The following GALNT13 variants were observed in gnomAD, a reference collection of about 807,000 sequenced individuals.
GALNT13 encodes the protein polypeptide N-acetylgalactosaminyltransferase 13, also known as UDP-GalNAc:polypeptide N-acetylgalactosaminyltransferase 13.
Under a neutral mutation model 64.2 loss-of-function variants are expected in GALNT13, and 28 were observed. That is an observed-to-expected ratio of 0.44 (90% CI 0.32 to 0.60). The LOEUF (loss-of-function observed/expected upper bound fraction) is 0.60, where lower values mean the gene tolerates loss of function less well. Among genes scored for constraint, GALNT13 ranks in the 20% least tolerant of loss-of-function variants. GALNT13 has a pLI of 0.05. For missense variants in GALNT13, 577 were observed against 669.8 expected (o/e 0.86, Z 1.53); for synonymous variants, 214 against 224.6 (o/e 0.95, Z 0.42).
At chr2:153,215,919 C>A in the GALNT13 span, among the ~76,000 whole-genome samples, 1 of 151,982 alleles carries the variant, frequency 6.6e-6, no homozygotes. Flanking sequence ...TGTATTTACA[C>A]AACAGTCATA....
At chr2:153,688,263 A>G in the GALNT13 span, among the ~76,000 whole-genome samples, 1 of 151,938 alleles carries the variant, frequency 6.6e-6, no homozygotes, top group African/African-American at 2.4e-5. Flanking sequence ...AATATTTACT[A>G]CTTGGTCTTT....
chr2:153,190,396 A>G, the GALNT13 span, among the ~76,000 whole-genome samples: 1 of 152,178 alleles, frequency 6.6e-6, no homozygotes, highest in Admixed American at 6.5e-5. Context: ...GGCTTTCAAT[A>G]CAGGAGTTTA....
chr2:153,884,238 C>CT (rs1321603522), intron 1 of GALNT13, among the ~76,000 whole-genome samples: 1 of 151,734 alleles, frequency 6.6e-6, no homozygotes, highest in African/African-American at 2.4e-5. Context: ...GGCTAAACTA[C>CT]TTTGAGTTTG....
At chr2:153,464,576 C>G in the GALNT13 span, among the ~76,000 whole-genome samples, 2 of 152,066 alleles carry the variant, frequency 1.3e-5, no homozygotes, top group Non-Finnish European at 2.9e-5. Flanking sequence ...AAAGGCCACT[C>G]TGAGGACAGG....
chr2:153,811,741 G>A, the GALNT13 span, among the ~76,000 whole-genome samples: 1 of 152,054 alleles, frequency 6.6e-6, no homozygotes, highest in Non-Finnish European at 1.5e-5. Flanking sequence ...TTTTTTCTGT[G>A]ATGTCTTAAT....
the GALNT13 span, among the ~76,000 whole-genome samples, chr2:153,825,157 C>T: frequency 6.6e-6 from 1 of 152,100 alleles, no homozygotes; most frequent in Non-Finnish European, 1.5e-5. Flanking sequence ...TTTTGGTGAT[C>T]AGAGCTTGAT....
chr2:153,145,043 A>C, the GALNT13 span, among the ~76,000 whole-genome samples: 1 of 151,978 alleles, frequency 6.6e-6, no homozygotes, highest in Non-Finnish European at 1.5e-5. Context: ...TACTTTATAA[A>C]TTACTCAATA....
intron 4 of GALNT13, among the ~76,000 whole-genome samples, chr2:154,158,625 C>G (rs1684560969): frequency 6.6e-6 from 1 of 152,170 alleles, no homozygotes; most frequent in African/African-American, 2.4e-5. Context: ...TCTCTCACTG[C>G]AAGGTACAGG....
chr2:154,295,615 G>A (rs1692879313), intron 8 of GALNT13, among the ~76,000 whole-genome samples: 1 of 151,884 alleles, frequency 6.6e-6, no homozygotes, highest in South Asian at 2.1e-4. Context: ...TGAGATGATT[G>A]GCCCACCTGG....
In GALNT13 at chr2:154,245,918, C is replaced by T. The variant is rs1405422205; in HGVS notation, c.793C>T (p.Arg265Cys). 18 of 1,613,076 alleles carry T rather than the reference C, an allele frequency of 1.1e-5. No individual in the cohort carries two copies. The highest frequency in any genetic ancestry group is 1.4e-5 in the Non-Finnish European group (17 of 1,179,424). ...GGGTTTTAACTGGAAACTGAATTTC[C>T]GCTGGTATCCTGTTCCCCAAAGAGA... ...YGGFNWKLNF[R>C]WYPVPQREMD... Residue 265 changes from arginine (R) to cysteine (C), a missense_variant, in exon 7 of 13, where the codon CGC becomes TGC. Physicochemically the swap from Arg to Cys is radical, Grantham distance 180. Around this residue, in one of 3 missense-constraint regions of GALNT13, gnomAD observed 341 missense variants for 379.3 expected, o/e 0.90. Coordinates refer to ENST00000392825, the MANE Select transcript of GALNT13 (RefSeq NM_052917.4).
At chr2:154,045,378 A>G (rs6709870) in intron 3 of GALNT13, among the ~76,000 whole-genome samples, 41,929 of 152,110 alleles carry the variant, frequency 0.28, 7,009 homozygotes, top group Middle Eastern at 0.46. Context: ...ATGGAAATGT[A>G]TGCTCAAATG....
chr2:153,232,329 C>G, the GALNT13 span, among the ~76,000 whole-genome samples: 1 of 152,166 alleles, frequency 6.6e-6, no homozygotes, highest in African/African-American at 2.4e-5. Context: ...TTTATAAATT[C>G]TTGGAGCCTG....
the GALNT13 span, among the ~76,000 whole-genome samples, chr2:153,824,187 G>T: frequency 6.6e-6 from 1 of 152,010 alleles, no homozygotes; most frequent in African/African-American, 2.4e-5. Flanking sequence ...TATATACACT[G>T]TATACAGCTG....
chr2:154,007,851 A>G (rs1276705752), intron 3 of GALNT13, among the ~76,000 whole-genome samples: 1 of 151,898 alleles, frequency 6.6e-6, no homozygotes, highest in Admixed American at 6.6e-5. Context: ...TTCCATATAT[A>G]GTCTTAGGTT....
the GALNT13 span, among the ~76,000 whole-genome samples, chr2:153,646,621 C>T: frequency 6.6e-5 from 10 of 152,158 alleles, no homozygotes; most frequent in African/African-American, 2.4e-4. Context: ...CCTCCCCCTA[C>T]TCCACAACAG....
chr2:154,369,570 GC>G (rs1470708200), intron 9 of GALNT13, among the ~76,000 whole-genome samples: 1 of 151,916 alleles, frequency 6.6e-6, no homozygotes, highest in African/African-American at 2.4e-5. Context: ...TGAATATTTG[GC>G]CCCTCCAAAG....
chr2:153,113,788 A>T, the GALNT13 span, among the ~76,000 whole-genome samples: 1 of 152,090 alleles, frequency 6.6e-6, no homozygotes, highest in African/African-American at 2.4e-5. Flanking sequence ...ATTGAGTTAG[A>T]CACCTCATTT....
At chr2:154,021,812 C>A (rs1697522649) in intron 3 of GALNT13, among the ~76,000 whole-genome samples, 1 of 149,828 alleles carries the variant, frequency 6.7e-6, no homozygotes, top group Non-Finnish European at 1.5e-5. Flanking sequence ...AGTTTTTGCC[C>A]ATTCAGTATG....
the GALNT13 span, among the ~76,000 whole-genome samples, chr2:153,256,904 T>G: frequency 6.6e-6 from 1 of 152,220 alleles, no homozygotes; most frequent in Non-Finnish European, 1.5e-5. Flanking sequence ...GTTGTCTTTT[T>G]GTTTGTCTGT....
Sources: gnomAD v4.1 joint callset for allele counts (sites outside exome capture counted in the v4.1 genomes callset) on GRCh38, gnomAD v4.1.1 for gene constraint, gnomAD v4.1.1 regional missense constraint, MANE v1.5 for transcripts, NCBI Gene and HGNC (gene_info 2026-07-23, HGNC 2026-07-21) for gene names.